Variants in CEP112 observed in about 807,000 individuals in gnomAD.
CEP112 encodes centrosomal protein of 112 kDa.
Under a neutral mutation model 153.0 loss-of-function variants are expected in CEP112, and 127 were observed. The ratio of observed to expected loss-of-function variants is 0.83; its 90% CI spans 0.72 to 0.96. CEP112 has a LOEUF of 0.96. Ranked by LOEUF, CEP112 falls within the 40% of genes least tolerant of loss-of-function variation. CEP112 has a pLI of 0.00. For synonymous variants in CEP112, 358 were observed against 374.4 expected, an observed-to-expected ratio of 0.96 and a Z score of 0.51; for missense variants, 1,089 against 1,101.2, an observed-to-expected ratio of 0.99 and a Z score of 0.16.
At chr17:66,061,430 T>C (rs938101281) in intron 11 of CEP112, among the ~76,000 whole-genome samples, 1 of 152,102 alleles carries the variant, frequency 6.6e-6, no homozygotes, top group African/African-American at 2.4e-5. Context: ...CTACTAGATA[T>C]ATATCTGAAG....
chr17:66,060,128 G>A (rs2066867069), intron 11 of CEP112, among the ~76,000 whole-genome samples: 1 of 152,060 alleles, frequency 6.6e-6, no homozygotes, highest in Admixed American at 6.6e-5. Flanking sequence ...ATAGACACTG[G>A]GGACTCCTAG....
intron 17 of CEP112, among the ~76,000 whole-genome samples, chr17:65,962,315 T>A (rs2062234685): frequency 6.6e-6 from 1 of 152,164 alleles, no homozygotes; most frequent in South Asian, 2.1e-4. Context: ...GATGTATGTC[T>A]ACCAGAAGTT....
At chr17:65,814,392 G>A (rs2056152210) in intron 21 of CEP112, among the ~76,000 whole-genome samples, 1 of 152,150 alleles carries the variant, frequency 6.6e-6, no homozygotes, top group Non-Finnish European at 1.5e-5. Flanking sequence ...AATGGAGTGA[G>A]TGGTTAAAAG....
intron 12 of CEP112, among the ~76,000 whole-genome samples, chr17:66,046,830 T>C (rs916400447): frequency 3.9e-5 from 6 of 152,002 alleles, no homozygotes; most frequent in Non-Finnish European, 7.4e-5. Context: ...AGGACTGCCA[T>C]GCTGCAGCTG....
chr17:65,729,155 A>T lies in CEP112; in HGVS notation c.2607+13913T>A, dbSNP rs543619816. On this transcript the variant is annotated intron_variant, in intron 23 of 26. Coordinates refer to ENST00000535342, the MANE Select transcript of CEP112 (RefSeq NM_001199165.4). ...TTATTCCATAAGCTTTCTTCTATTA[A>T]TTTTTTTGTTTTTACTTTTTAAGCT... 2.6e-5 allele frequency among the ~76,000 whole-genome samples: 4 copies of T among 152,076 alleles called. No individual in the cohort carries two copies. In the East Asian group the frequency reaches 7.7e-4, roughly 29 times the overall value.
rs1282367954 is a variant in CEP112, at chr17:65,743,346, A to G, written c.2458-129T>C. 4 of 665,540 alleles carry G rather than the reference A, an allele frequency of 6.0e-6. No individual in the cohort carries two copies. In the African/African-American group the frequency reaches 7.2e-5, roughly 12 times the overall value. 41.2% of individuals were successfully genotyped at this position (665,540 alleles called of 1,614,324 possible). A position where few individuals can be genotyped will look rare whatever the true frequency, so the allele number is the denominator to read the frequency against. On this transcript the variant is annotated intron_variant, in intron 22 of 26. Transcript: ENST00000535342. The stretch of plus-strand genomic sequence containing the variant: ...TCCACAAATTAAATATTTTCAATTA[A>G]CATATCACACACTATAATGCATGAA...
At chr17:65,801,764 A>T (rs1312589829) in intron 21 of CEP112, among the ~76,000 whole-genome samples, 1 of 152,178 alleles carries the variant, frequency 6.6e-6, no homozygotes, top group Non-Finnish European at 1.5e-5. Context: ...TAGACATAAT[A>T]TTTTAGTTCT....
rs567481614 is a variant in CEP112 at position 65,698,069 on chromosome 17, T to C, written c.2608-8851A>G. The stretch of plus-strand genomic sequence containing the variant: ...TTTCACATTCCCAGCAACACTTATT[T>C]TTTTTTCTTAAAAAAACAAAACAAA... On this transcript the variant is annotated intron_variant, in intron 23 of 26. Transcript: ENST00000535342. 1.3e-5 allele frequency among the ~76,000 whole-genome samples: 2 copies of C among 152,320 alleles called. 1 individual carries two copies. The highest frequency in any genetic ancestry group is 4.1e-4 in the South Asian group (2 of 4,830).
At chr17:66,167,733 C>T (rs2072039757) in intron 4 of CEP112, among the ~76,000 whole-genome samples, 1 of 152,208 alleles carries the variant, frequency 6.6e-6, no homozygotes, top group Non-Finnish European at 1.5e-5. Flanking sequence ...TAAGGCCCTG[C>T]ATTCCAATAT....
intron 22 of CEP112, among the ~76,000 whole-genome samples, chr17:65,750,384 T>C (rs1301170131): frequency 2.0e-5 from 3 of 152,170 alleles, no homozygotes; most frequent in Non-Finnish European, 2.9e-5. Context: ...TGTTCAAGTG[T>C]ATAGGCTGGT....
rs942269309 is a variant in CEP112, at chr17:66,066,811, T to C, written c.922A>G (p.Thr308Ala). Residue 308 changes from threonine to alanine, a missense_variant, in exon 10 of 27, where the codon ACT (threonine) becomes GCT (alanine). Coordinates refer to ENST00000535342, the MANE Select transcript of CEP112 (RefSeq NM_001199165.4). ...KTLYRSKQHE[T>A]EETIRKLEKK... ...TCAAGCTTTCTAATAGTCTCTTCAG[T>C]TTCATGTTGTTTACTCCTGTATAAA... The C allele has an allele frequency of 1.5e-5, 23 of 1,554,498 alleles. No homozygotes were observed. The highest frequency in any genetic ancestry group is 5.6e-5 in the African/African-American group (4 of 71,606).
rs776226666 is a variant in CEP112 at position 65,641,011 on chromosome 17, A to G, written c.2752T>C (p.Ser918Pro). Residue 918 changes from serine to proline, a missense_variant, in exon 25 of 27, where the codon TCC becomes CCC. Physicochemically the swap from Ser to Pro is moderately conservative, Grantham distance 74. Transcript: ENST00000535342. ...GTGTCTTCAAGTTCTTGTCTTAGGG[A>G]TGCTGGCATCAATCCTTTCAATTTT... ...ETKLKGLMPA[S>P]LRQELEDTIS... 9.9e-6 allele frequency: 16 copies of G among 1,612,014 alleles called. No individual in the cohort carries two copies. The Middle Eastern group carries it at 4.9e-4, about 50-fold the overall frequency.
intron 21 of CEP112, among the ~76,000 whole-genome samples, chr17:65,793,035 T>G (rs2054685967): frequency 6.6e-6 from 1 of 151,842 alleles, no homozygotes; most frequent in South Asian, 2.1e-4. Flanking sequence ...TACAGAAAGC[T>G]TACCCTGCAC....
intron 18 of CEP112, among the ~76,000 whole-genome samples, chr17:65,955,839 C>T (rs185252354): frequency 6.6e-6 from 1 of 152,134 alleles, no homozygotes; most frequent in African/African-American, 2.4e-5. Flanking sequence ...ACTGGAGCTC[C>T]CAAATGTATA....
chr17:65,750,182 G>A lies in CEP112; in HGVS notation c.2457+480C>T, dbSNP rs368625351. 9.9e-5 allele frequency among the ~76,000 whole-genome samples: 15 copies of A among 152,274 alleles called. 1 individual carries two copies. In the East Asian group the frequency reaches 1.7e-3, roughly 18 times the overall value. On this transcript the variant is annotated intron_variant, in intron 22 of 26. Coordinates refer to ENST00000535342, the MANE Select transcript of CEP112 (RefSeq NM_001199165.4). ...GATGTAGGGACTTAGAATTCTCTTT[G>A]TCCTAAAAAGAGTCAACAGTTGAGC... is the stretch of plus-strand genomic sequence containing the variant.
chr17:65,672,620 G>T (rs2047041533), intron 24 of CEP112, among the ~76,000 whole-genome samples: 2 of 152,098 alleles, frequency 1.3e-5, no homozygotes. Context: ...TCAAGATAGG[G>T]AAACTGAGGC....
chr17:66,033,141 T>C (rs2065564719), intron 12 of CEP112, among the ~76,000 whole-genome samples: 1 of 152,098 alleles, frequency 6.6e-6, no homozygotes, highest in African/African-American at 2.4e-5. Context: ...AAGTAAAAAC[T>C]GTAAGAGCAA....
chr17:66,117,845 TAGA>T (rs1484285037), intron 6 of CEP112, among the ~76,000 whole-genome samples: 1 of 152,094 alleles, frequency 6.6e-6, no homozygotes, highest in African/African-American at 2.4e-5. Context: ...TTTAAATGGG[TAGA>T]AGATCTCAAT....
chr17:66,069,879 G>A (rs200392289), intron 9 of CEP112, 36 bp downstream of exon 9: 11 of 1,187,728 alleles, frequency 9.3e-6, no homozygotes, highest in Non-Finnish European at 9.9e-6. Context: ...TATTTTTAGT[G>A]TTCAATATAA....
Sources: gnomAD v4.1 joint callset for allele counts (sites outside exome capture counted in the v4.1 genomes callset) on GRCh38, gnomAD v4.1.1 for gene constraint, MANE v1.5 for transcripts, NCBI Gene and HGNC (gene_info 2026-07-23, HGNC 2026-07-21) for gene names.